CELF2: variants seen among roughly 807,000 people sequenced by gnomAD.
CELF2 encodes CUG triplet repeat RNA-binding protein 2.
CELF2 carries 8 observed loss-of-function variants against 62.6 expected under a neutral mutation model. The observed-to-expected ratio is 0.13, with a 90% CI of 0.07 to 0.23. The LOEUF (loss-of-function observed/expected upper bound fraction) is 0.23. Ranked by LOEUF, CELF2 falls within the 10% of genes least tolerant of loss-of-function variation. CELF2 has a pLI of 1.00. For missense variants in CELF2, 333 were observed against 671.0 expected, an observed-to-expected ratio of 0.50 and a Z score of 5.56; for synonymous variants, 258 against 250.0, an observed-to-expected ratio of 1.03 and a Z score of -0.30.
At chr10:10,978,043 T>TG (rs1432065920) in intron 2 of CELF2, among the ~76,000 whole-genome samples, 1 of 150,976 alleles carries the variant, frequency 6.6e-6, no homozygotes, top group African/African-American at 2.4e-5. Context: ...TGTTTTTTGT[T>TG]TTTTTTTTTC....
Position 11,227,975 on chromosome 10 carries a change from C to A in CELF2, c.354+10468C>A, listed in dbSNP as rs999355922. Among the ~76,000 whole-genome samples the A allele has an allele frequency of 6.6e-6, 1 of 152,108 alleles. No homozygotes were observed. Among genetic ancestry groups the A allele is most frequent in the African/African-American group, 2.4e-5 (1 of 41,426 alleles). ...CCTCAGAAGAGTGTGTATTTAAATA[C>A]CTGCCAGGAAACTGTGCAGGTATTT... On this transcript the variant is annotated intron_variant, in intron 3 of 12. Transcript: ENST00000633077. The surrounding 1 kb of genome is among the most constrained non-coding windows in gnomAD (Gnocchi z 4.8).
the CELF2 span, among the ~76,000 whole-genome samples, chr10:10,763,884 T>C: frequency 6.6e-6 from 1 of 152,242 alleles, no homozygotes; most frequent in Non-Finnish European, 1.5e-5. Flanking sequence ...TATTAATTAC[T>C]CTCTTTAGTG....
At chr10:11,028,239 G>A (rs970490128) in intron 1 of CELF2, among the ~76,000 whole-genome samples, 1 of 151,978 alleles carries the variant, frequency 6.6e-6, no homozygotes. Context: ...GGGATGGGGG[G>A]GAAGCAAAGG....
the CELF2 span, among the ~76,000 whole-genome samples, chr10:10,599,950 C>G: frequency 7.9e-5 from 12 of 152,220 alleles, no homozygotes; most frequent in Middle Eastern, 3.4e-3. Flanking sequence ...CCAGGGTGGT[C>G]TCGATCTCCT....
the CELF2 span, among the ~76,000 whole-genome samples, chr10:10,749,788 T>C: frequency 1.3e-5 from 2 of 152,330 alleles, no homozygotes; most frequent in African/African-American, 4.8e-5. Flanking sequence ...AATGATATGA[T>C]TTAAGGTAAT....
the CELF2 span, among the ~76,000 whole-genome samples, chr10:10,632,697 T>C: frequency 6.6e-6 from 1 of 152,218 alleles, no homozygotes; most frequent in Non-Finnish European, 1.5e-5. Context: ...AGAAAATATT[T>C]AAGTTATTTT....
chr10:10,827,399 T>C (rs993608617), intron 1 of CELF2, among the ~76,000 whole-genome samples: 1 of 152,146 alleles, frequency 6.6e-6, no homozygotes, highest in African/African-American at 2.4e-5. Flanking sequence ...GTAGGGAAAA[T>C]AGGAAAAATA....
rs1430742732 is a variant in CELF2 at position 11,145,455 on chromosome 10, AT to A, written c.75-20029del. 6.6e-6 allele frequency among the ~76,000 whole-genome samples: 1 copy of A among 152,238 alleles called. No individual in the cohort carries two copies. The highest frequency in any genetic ancestry group is 1.5e-5 in the Non-Finnish European group (1 of 68,036). ...TGAAAACATGACTGCCTGGTGAGTG[AT>A]TGCATTTAATATAAGAATCAGGTAA... On this transcript the variant is annotated intron_variant, in intron 1 of 12. Coordinates refer to ENST00000633077, the MANE Select transcript of CELF2 (RefSeq NM_001326342.2). This position sits in a 1 kb window ranked among gnomAD's most constrained non-coding sequence, Gnocchi z 4.3.
At chr10:10,857,257 C>A (rs2059770512) in intron 1 of CELF2, among the ~76,000 whole-genome samples, 1 of 152,078 alleles carries the variant, frequency 6.6e-6, no homozygotes, top group South Asian at 2.1e-4. Context: ...ACCAGGGATT[C>A]TATAAGCTAA....
intron 2 of CELF2, among the ~76,000 whole-genome samples, chr10:11,186,160 C>T (rs1357693976): frequency 6.6e-6 from 1 of 152,126 alleles, no homozygotes; most frequent in East Asian, 1.9e-4. Flanking sequence ...TCAAAATCTA[C>T]ACATAAAGAC....
chr10:10,497,334 G>T, the CELF2 span, among the ~76,000 whole-genome samples: 3 of 152,142 alleles, frequency 2.0e-5, no homozygotes, highest in African/African-American at 7.2e-5. Context: ...ACAAAGGATG[G>T]AGGAGAGAAT....
rs928421222 is a variant in CELF2, at chr10:11,288,455, G to GGCT, written c.888_890dup (p.Ala300dup). The GGCT allele has an allele frequency of 1.9e-6, 3 of 1,613,848 alleles. No individual in the cohort carries two copies. The African/African-American group carries it at 4.0e-5, about 22-fold the overall frequency. ...TACAGTTGCAGAACCTGGCGACGCT[G>GGCT]GCTGCTGCTGCAGCTGCGGCCCAGA... On this transcript the variant is annotated inframe_insertion, in exon 9 of 13. Coordinates refer to ENST00000633077, the MANE Select transcript of CELF2 (RefSeq NM_001326342.2).
intron 1 of CELF2, among the ~76,000 whole-genome samples, chr10:10,867,073 G>T (rs1436701854): frequency 3.3e-5 from 5 of 152,132 alleles, no homozygotes; most frequent in African/African-American, 9.7e-5. Context: ...ATATAGGGAG[G>T]TTGTGGGTCT....
In CELF2 at chr10:11,130,051, C is replaced by T. The variant is rs146457968; in HGVS notation, c.75-35435C>T. ...CTCTACACACTGCTTTAAATGTGTC[C>T]CAGAGATTCTGGTACATTGTGTCTT... On this transcript the variant is annotated intron_variant, in intron 1 of 12. Coordinates refer to ENST00000633077, the MANE Select transcript of CELF2 (RefSeq NM_001326342.2). Among the ~76,000 whole-genome samples the T allele has an allele frequency of 6.6e-5, 10 of 152,214 alleles. No homozygotes were observed. In the East Asian group the frequency reaches 1.9e-3, roughly 29 times the overall value.
At chr10:10,807,382 C>T (rs1407971360) in intron 1 of CELF2, among the ~76,000 whole-genome samples, 2 of 152,190 alleles carry the variant, frequency 1.3e-5, no homozygotes, top group Admixed American at 1.3e-4. Flanking sequence ...ACCTTGGATC[C>T]TTAAATATGT....
At chr10:11,271,314 C>T (rs1364019262) in intron 7 of CELF2, among the ~76,000 whole-genome samples, 1 of 152,224 alleles carries the variant, frequency 6.6e-6, no homozygotes, top group Non-Finnish European at 1.5e-5. Context: ...CCCAGCAGAC[C>T]CAGTTCTCTC....
At chr10:10,682,485 G>A in the CELF2 span, among the ~76,000 whole-genome samples, 9 of 152,174 alleles carry the variant, frequency 5.9e-5, no homozygotes, top group Non-Finnish European at 4.4e-5. Context: ...GGAGTGATCC[G>A]GCCCATCAGG....
At chr10:10,814,218 A>AG (rs2056225233) in intron 1 of CELF2, among the ~76,000 whole-genome samples, 2 of 140,266 alleles carry the variant, frequency 1.4e-5, no homozygotes, top group Non-Finnish European at 3.1e-5. Flanking sequence ...GAGTCCTAAA[A>AG]AAAAAAAAAA....
the CELF2 span, among the ~76,000 whole-genome samples, chr10:10,592,401 T>C: frequency 6.6e-6 from 1 of 152,204 alleles, no homozygotes; most frequent in African/African-American, 2.4e-5. Flanking sequence ...CCGATTTCTA[T>C]TTTAAACGCT....
Sources: allele counts gnomAD v4.1 joint callset (sites outside exome capture counted in the v4.1 genomes callset), GRCh38; gene constraint gnomAD v4.1.1; non-coding constraint Gnocchi (gnomAD v3.1); transcripts MANE v1.5; gene names NCBI Gene and HGNC (gene_info 2026-07-23, HGNC 2026-07-21).